Variants in OSBPL9 observed in about 807,000 individuals in gnomAD.
OSBPL9 encodes oxysterol binding protein like 9, also known as oxysterol-binding protein-related protein 9.
Under a neutral mutation model 106.6 loss-of-function variants are expected in OSBPL9, and 40 were observed. The ratio of observed to expected loss-of-function variants is 0.38; its 90% confidence interval spans 0.29 to 0.49. The LOEUF (loss-of-function observed/expected upper bound fraction) is 0.49. Ranked by LOEUF, OSBPL9 falls within the 20% of genes least tolerant of loss-of-function variation. OSBPL9 has a pLI of 0.97. For missense variants in OSBPL9, 609 were observed against 887.2 expected, an observed-to-expected ratio of 0.69 and a Z score of 3.98; for synonymous variants, 269 against 295.4, an observed-to-expected ratio of 0.91 and a Z score of 0.92.
At chr1:51,625,808 G>C (rs1644733832) in intron 1 of OSBPL9, among the ~76,000 whole-genome samples, 2 of 152,232 alleles carry the variant, frequency 1.3e-5, no homozygotes, top group South Asian at 2.1e-4. Flanking sequence ...ATAATTGTGA[G>C]CCACTGCATT....
At chr1:51,560,220 A>G in the OSBPL9 span, among the ~76,000 whole-genome samples, 7 of 152,216 alleles carry the variant, frequency 4.6e-5, no homozygotes. Flanking sequence ...GGATATACCC[A>G]AGGACAGGTG....
At chr1:51,625,189 C>G (rs1242322026) in intron 1 of OSBPL9, among the ~76,000 whole-genome samples, 8 of 152,184 alleles carry the variant, frequency 5.3e-5, no homozygotes, top group Non-Finnish European at 1.0e-4. Context: ...GCAGTCAATT[C>G]TTGCTTCTGT....
intron 2 of OSBPL9, among the ~76,000 whole-genome samples, chr1:51,653,691 A>C (rs1392832565): frequency 6.6e-6 from 1 of 152,166 alleles, no homozygotes; most frequent in Non-Finnish European, 1.5e-5. Context: ...TTTTGTTTAC[A>C]ATTTGTCTGT....
chr1:51,713,130 T>TA (rs1408580042), intron 3 of OSBPL9, among the ~76,000 whole-genome samples: 3 of 151,968 alleles, frequency 2.0e-5, no homozygotes, highest in African/African-American at 7.3e-5. Context: ...TTGGTTTTTT[T>TA]TGTTTTTTTA....
the OSBPL9 span, among the ~76,000 whole-genome samples, chr1:51,523,125 A>C: frequency 2.6e-5 from 4 of 152,166 alleles, no homozygotes; most frequent in Non-Finnish European, 5.9e-5. Flanking sequence ...AAAATAAATA[A>C]ATAAATAAGA....
the OSBPL9 span, among the ~76,000 whole-genome samples, chr1:51,554,390 A>G: frequency 1.3e-5 from 2 of 152,232 alleles, no homozygotes; most frequent in Non-Finnish European, 1.5e-5. Context: ...GTAAAACTAT[A>G]AAGAAAAATA....
At chr1:51,537,098 C>T in the OSBPL9 span, among the ~76,000 whole-genome samples, 2 of 152,210 alleles carry the variant, frequency 1.3e-5, no homozygotes, top group Non-Finnish European at 2.9e-5. Flanking sequence ...TTCTATCATT[C>T]CATCTACATT....
chr1:51,774,360 TTAAAA>T (rs1239332367), intron 14 of OSBPL9, among the ~76,000 whole-genome samples: 12 of 152,240 alleles, frequency 7.9e-5, no homozygotes, highest in African/African-American at 2.7e-4. Context: ...CTGAATGTGT[TTAAAA>T]TAAGTCATTT....
chr1:51,763,392 C>T (rs909924120), intron 11 of OSBPL9, among the ~76,000 whole-genome samples: 3 of 152,140 alleles, frequency 2.0e-5, no homozygotes, highest in Non-Finnish European at 4.4e-5. Context: ...CTAGATTTAT[C>T]TTGTTTTAAA....
intron 21 of OSBPL9, 150 bp downstream of exon 21, chr1:51,786,036 C>A: frequency 3.0e-6 from 2 of 671,362 alleles, no homozygotes; most frequent in Non-Finnish European, 5.1e-6. Context: ...CAGTGTATGT[C>A]ATCTCTTCAG....
In OSBPL9 at chr1:51,774,002, G is replaced by A. The variant is rs138462315; in HGVS notation, c.1170+1279G>A. Among the ~76,000 whole-genome samples the A allele has an allele frequency of 3.9e-3, 591 of 152,078 alleles. 5 individuals carry two copies. Among genetic ancestry groups the A allele is most frequent in the Admixed American group, 0.01 (156 of 15,256 alleles). ...TGTTAGGAAGGACGTTGTTTTCCAG[G>A]AGTGGCTCATTAGGCTTCCTGTTGA... is the stretch of plus-strand genomic sequence containing the variant. On this transcript the variant is annotated intron_variant, in intron 14 of 23. Transcript: ENST00000428468.
At chr1:51,534,381 ATGT>A in the OSBPL9 span, among the ~76,000 whole-genome samples, 1 of 152,152 alleles carries the variant, frequency 6.6e-6, no homozygotes, top group Non-Finnish European at 1.5e-5. Flanking sequence ...GGCAATGATA[ATGT>A]TGTTTCTTTC....
chr1:51,577,175 C>A (rs72663113), upstream of OSBPL9: 6,159 of 152,244 alleles, frequency 0.04, 168 homozygotes, highest in African/African-American at 0.067. Flanking sequence ...CTTCACTTTC[C>A]GCCATGATTA....
At chr1:51,605,319 A>T (rs2148604745) in intron 2 of OSBPL9, among the ~76,000 whole-genome samples, 1 of 152,318 alleles carries the variant, frequency 6.6e-6, no homozygotes, top group East Asian at 1.9e-4. Flanking sequence ...AGCCAGGAGC[A>T]GTGGCTCACA....
intron 14 of OSBPL9, 56 bp downstream of exon 14, chr1:51,772,779 C>T (rs1348904299): frequency 8.5e-6 from 10 of 1,170,764 alleles, no homozygotes; most frequent in Middle Eastern, 1.9e-4. Flanking sequence ...TCAGTGATTG[C>T]GTGGTGAGTG....
intron 3 of OSBPL9, among the ~76,000 whole-genome samples, chr1:51,711,183 G>A (rs981672386): frequency 7.3e-5 from 11 of 151,284 alleles, no homozygotes; most frequent in East Asian, 2.0e-4. Context: ...CCACAAAGCC[G>A]CCATCGTCAT....
In OSBPL9 at chr1:51,607,031, C is replaced by T. The variant is rs375233164; in HGVS notation, c.-352-7274C>T. On this transcript the variant is annotated intron_variant, in intron 2 of 25. Transcript: ENST00000371714. ...CGCCACTGCACTCCAGCCTGGGCGA[C>T]AGAGTGAGACTCCATCTCAAAAAAA... is the stretch of plus-strand genomic sequence containing the variant. Among the ~76,000 whole-genome samples, 27 of 150,216 alleles carry T rather than the reference C, an allele frequency of 1.8e-4. 3 individuals are homozygous for T. The East Asian group carries it at 2.5e-3, about 14-fold the overall frequency.
chr1:51,683,085 C>T (rs1174320188), intron 3 of OSBPL9, among the ~76,000 whole-genome samples: 1 of 152,008 alleles, frequency 6.6e-6, no homozygotes, highest in Non-Finnish European at 1.5e-5. Context: ...CCACGTTGGC[C>T]AGGCTGGTCT....
the OSBPL9 span, among the ~76,000 whole-genome samples, chr1:51,532,760 A>T: frequency 6.6e-6 from 1 of 152,146 alleles, no homozygotes; most frequent in Non-Finnish European, 1.5e-5. Context: ...AGTGATTTTA[A>T]CATTGGACCT....
Sources: allele counts gnomAD v4.1 joint callset (sites outside exome capture counted in the v4.1 genomes callset), GRCh38; gene constraint gnomAD v4.1.1; transcripts MANE v1.5; gene names NCBI Gene and HGNC (gene_info 2026-07-23, HGNC 2026-07-21).